Variants in HDAC8 observed in about 807,000 individuals in gnomAD.
HDAC8 encodes the protein histone deacetylase 8.
A neutral mutation model predicts 32.2 loss-of-function variants in HDAC8; 1 was observed. That is an observed-to-expected ratio of 0.03 (90% CI 0.01 to 0.15). HDAC8 has a LOEUF of 0.15. HDAC8 is among the 10% of genes least tolerant of loss of function. The pLI, the probability that HDAC8 is intolerant of heterozygous loss-of-function variation, is 1.00. For missense variants in HDAC8, 117 were observed against 300.0 expected, an observed-to-expected ratio of 0.39 and a Z score of 4.51; for synonymous variants, 108 against 113.9, an observed-to-expected ratio of 0.95 and a Z score of 0.33.
intron 4 of HDAC8, among the ~76,000 whole-genome samples, chrX:72,550,775 G>A (rs782506140): frequency 4.6e-4 from 51 of 111,387 alleles, no homozygotes; most frequent in African/African-American, 1.6e-3. Context: ...GGATACAAAA[G>A]CTGTCGTAAC....
chrX:72,521,380 T>C (rs1424792690), intron 4 of HDAC8, among the ~76,000 whole-genome samples: 1 of 111,556 alleles, frequency 9.0e-6, no homozygotes, highest in Non-Finnish European at 1.9e-5. Flanking sequence ...AAATTATATA[T>C]TTCTTAGGTT....
chrX:72,486,420 C>T (rs1288150284), intron 7 of HDAC8, among the ~76,000 whole-genome samples: 1 of 112,380 alleles, frequency 8.9e-6, no homozygotes, highest in African/African-American at 3.2e-5. Context: ...AATTCCTGCT[C>T]CTCAGAATAC....
chrX:72,441,180 C>A (rs1201592527), intron 9 of HDAC8, among the ~76,000 whole-genome samples: 1 of 112,702 alleles, frequency 8.9e-6, no homozygotes, highest in East Asian at 2.8e-4. Context: ...TTGAAGAGAG[C>A]AGTGGTTCTC....
At position 72,440,602 on chromosome X, in the gene HDAC8, C is replaced by T. The variant is rs143554798; in HGVS notation, c.1005+21402G>A. On this transcript the variant is annotated intron_variant, in intron 9 of 10. Transcript: ENST00000373573. The stretch of plus-strand genomic sequence containing the variant: ...TAGCAAGACTAATAAAGAGCGTGAG[C>T]GACGCAGAAGACGGGTGATTTCTGC... Among the ~76,000 whole-genome samples, 29 of 111,932 alleles carry T rather than the reference C, an allele frequency of 2.6e-4. No individual in the cohort carries two copies. The East Asian group carries it at 6.5e-3, about 25-fold the overall frequency.
chrX:72,564,316 G>A (rs1193123672), intron 4 of HDAC8, among the ~76,000 whole-genome samples: 6 of 112,482 alleles, frequency 5.3e-5, no homozygotes, highest in African/African-American at 1.9e-4. Flanking sequence ...TATTGTAGGA[G>A]TGGGTTAGAT....
rs556942128 is a variant in HDAC8, at chrX:72,381,030, A to G, written c.1006-29192T>C. On this transcript the variant is annotated intron_variant, in intron 9 of 10. Coordinates refer to ENST00000373573, the MANE Select transcript of HDAC8 (RefSeq NM_018486.3). Reference sequence around the variant, plus strand: ...ACCATATTGGATAGCATAGCTCTAGATTCTTGGTGCTCAAAATGTGGTACC... The same window carrying G: ...ACCATATTGGATAGCATAGCTCTAGGTTCTTGGTGCTCAAAATGTGGTACC... Among the ~76,000 whole-genome samples, 14 of 111,748 alleles carry G rather than the reference A, an allele frequency of 1.3e-4. 1 individual carries two copies. In the South Asian group the frequency reaches 5.3e-3, roughly 42 times the overall value.
chrX:72,420,485 TTTC>T (rs1285164853), intron 9 of HDAC8, among the ~76,000 whole-genome samples: 1 of 112,456 alleles, frequency 8.9e-6, no homozygotes. Flanking sequence ...TATTTGCATC[TTTC>T]TTTTTTCTTT....
At chrX:72,493,908 C>A (rs1344006840) in intron 5 of HDAC8, among the ~76,000 whole-genome samples, 1 of 111,076 alleles carries the variant, frequency 9.0e-6, no homozygotes, top group Non-Finnish European at 1.9e-5. Context: ...AGGCTGGTCT[C>A]AAACTCATGG....
rs980973988 is a variant in HDAC8 at position 72,473,637 on chromosome X, T to A, written c.738-8906A>T. On this transcript the variant is annotated intron_variant, in intron 7 of 10. Transcript: ENST00000373573. ...GAACCCAGGCATCCAGGCACCAGAG[T>A]TTTTGCTCTAAACCACTACAGTATA... is the stretch of plus-strand genomic sequence containing the variant. 3.4e-5 allele frequency: 25 copies of A among 740,633 alleles called. No individual in the cohort carries two copies. The African/African-American group carries it at 5.6e-4, about 17-fold the overall frequency. 61.0% of individuals were successfully genotyped at this position (740,633 alleles called of 1,213,427 possible). A position where few individuals can be genotyped will look rare whatever the true frequency, so the allele number is the denominator to read the frequency against.
intron 10 of HDAC8, among the ~76,000 whole-genome samples, chrX:72,343,318 T>C (rs1039407651): frequency 5.4e-5 from 6 of 110,094 alleles, no homozygotes; most frequent in African/African-American, 1.7e-4. Flanking sequence ...TACAGGTATA[T>C]GTCATCACAC....
chrX:72,462,298 T>G (rs782059908), intron 8 of HDAC8, 200 bp from the exon 9 acceptor site: 14 of 379,754 alleles, frequency 3.7e-5, no homozygotes, highest in African/African-American at 3.3e-4. Flanking sequence ...ATGCACAGTG[T>G]AAAACTGGGC....
intron 10 of HDAC8, among the ~76,000 whole-genome samples, chrX:72,349,532 T>A (rs782040544): frequency 2.0e-4 from 22 of 112,586 alleles, no homozygotes; most frequent in Admixed American, 4.7e-4. Flanking sequence ...TTTCATTGGG[T>A]TACAATCAGA....
chrX:72,394,222 G>T (rs956928150), intron 9 of HDAC8, among the ~76,000 whole-genome samples: 17 of 111,639 alleles, frequency 1.5e-4, no homozygotes, highest in African/African-American at 5.5e-4. Flanking sequence ...CCCACCAAGA[G>T]CTTTCTTAGG....
chrX:72,422,196 A>T (rs1244950415), intron 9 of HDAC8, among the ~76,000 whole-genome samples: 1 of 111,080 alleles, frequency 9.0e-6, no homozygotes, highest in African/African-American at 3.3e-5. Flanking sequence ...CCTTATGTTC[A>T]ATGCTTTTCA....
At chrX:72,399,600 T>C (rs919963344) in intron 9 of HDAC8, among the ~76,000 whole-genome samples, 28 of 112,036 alleles carry the variant, frequency 2.5e-4, no homozygotes, top group African/African-American at 8.7e-4. Flanking sequence ...TGAGTCTCCC[T>C]ACCTGTGAAC....
At chrX:72,572,605 AC>A (rs782765965) in intron 1 of HDAC8, 45 bp downstream of exon 1, 1 of 189,317 alleles carries the variant, frequency 5.3e-6, no homozygotes, top group Non-Finnish European at 9.7e-6. Context: ...CACCGCCCCC[AC>A]CCCCACCCCC....
At chrX:72,340,825 G>A (rs2043869539) in intron 10 of HDAC8, among the ~76,000 whole-genome samples, 1 of 111,904 alleles carries the variant, frequency 8.9e-6, no homozygotes, top group African/African-American at 3.3e-5. Flanking sequence ...GACCTTTACT[G>A]GAGCCAAAGA....
At chrX:72,468,015 G>A (rs782188832) in intron 7 of HDAC8, 2 of 1,187,358 alleles carry the variant, frequency 1.7e-6, no homozygotes, top group Non-Finnish European at 2.3e-6. Flanking sequence ...GAGGGCTCTG[G>A]ATGGGTATTG....
chrX:72,329,575 C>T lies in HDAC8; in HGVS notation c.*479G>A, dbSNP rs781860013. 8.0e-5 allele frequency: 72 copies of T among 896,719 alleles called. No individual in the cohort carries two copies. In the South Asian group the frequency reaches 1.4e-3, roughly 17 times the overall value. The allele number at this position is 896,719 out of a possible 1,213,427, so 73.9% of individuals were successfully genotyped here. On this transcript the variant is annotated 3_prime_UTR_variant, in exon 11 of 11. Coordinates refer to ENST00000373573, the MANE Select transcript of HDAC8 (RefSeq NM_018486.3). The stretch of plus-strand genomic sequence containing the variant: ...ATATATAACACTAAAACAACACCAG[C>T]GGACTTCTCCCCACCTCCCAGTCTG...
Sources: allele counts gnomAD v4.1 joint callset (sites outside exome capture counted in the v4.1 genomes callset), GRCh38; gene constraint gnomAD v4.1.1; transcripts MANE v1.5; gene names NCBI Gene and HGNC (gene_info 2026-07-23, HGNC 2026-07-21).